Variants in IRAG1 observed in about 807,000 individuals in gnomAD.
IRAG1 encodes IP3R-associated cGMP kinase substrate.
Under a neutral mutation model 106.2 loss-of-function variants are expected in IRAG1, and 62 were observed. That is an observed-to-expected ratio of 0.58 (90% confidence interval 0.48 to 0.72). The LOEUF (loss-of-function observed/expected upper bound fraction) is 0.72, where lower values mean the gene tolerates loss of function less well. IRAG1 is among the 30% of genes least tolerant of loss of function. The pLI is 0.00. For missense variants in IRAG1, 1,064 were observed against 1,140.7 expected, an observed-to-expected ratio of 0.93 and a Z score of 0.97; for synonymous variants, 462 against 443.9, an observed-to-expected ratio of 1.04 and a Z score of -0.51.
intron 14 of IRAG1, among the ~76,000 whole-genome samples, chr11:10,602,622 T>G (rs1456485235): frequency 6.6e-6 from 1 of 151,768 alleles, no homozygotes; most frequent in Non-Finnish European, 1.5e-5. Flanking sequence ...CATCTTCATC[T>G]GGGAGACAGG....
rs1017910510 is a variant in IRAG1, at chr11:10,626,382, G to C, written c.952C>G (p.Leu318Val). The C allele has an allele frequency of 1.2e-6, 2 of 1,613,758 alleles. No individual in the cohort carries two copies. The highest frequency in any genetic ancestry group is 2.7e-5 in the African/African-American group (2 of 74,930). ...PVTNSSGKMA[L>V]NSPQPGPVES... is the part of the protein sequence containing the mutation. The stretch of plus-strand genomic sequence containing the variant: ...ACGGGGCCAGGCTGAGGGCTGTTCA[G>C]GGCCATTTTCCCACTGCTGTTTGTA... Residue 318 changes from leucine (L) to valine (V), a missense_variant, in exon 9 of 21, where the codon CTG (leucine) becomes GTG (valine). Physicochemically the swap from Leu to Val is conservative, Grantham distance 32. Transcript: ENST00000423302.
intron 2 of IRAG1, among the ~76,000 whole-genome samples, chr11:10,635,432 G>T (rs1448416230): frequency 6.6e-6 from 1 of 152,188 alleles, no homozygotes. Flanking sequence ...GGTGCCCACT[G>T]TCTCTATTGC....
rs1853913514 is a variant in IRAG1, at chr11:10,600,819, A to T, written c.2017+99T>A. On this transcript the variant is annotated intron_variant, in intron 15 of 20. Coordinates refer to ENST00000423302, the MANE Select transcript of IRAG1 (RefSeq NM_130385.4). ...TAGACAGGAGTGCTGCTCAACTGGA[A>T]ATAAGTCCTGGGGCTGTTCTGACAG... 13 of 1,485,526 alleles carry T rather than the reference A, an allele frequency of 8.8e-6. 1 individual carries two copies. The South Asian group carries it at 1.7e-4, about 19-fold the overall frequency. The allele number at this position is 1,485,526 out of a possible 1,614,324, so 92.0% of individuals were successfully genotyped here. A position where few individuals can be genotyped will look rare whatever the true frequency, so the allele number is the denominator to read the frequency against.
At chr11:10,648,299 G>A (rs1321926149) in intron 2 of IRAG1, among the ~76,000 whole-genome samples, 1 of 152,214 alleles carries the variant, frequency 6.6e-6, no homozygotes, top group Admixed American at 6.5e-5. Flanking sequence ...GGGAGACAGA[G>A]GTTGCAGTGA....
intron 2 of IRAG1, among the ~76,000 whole-genome samples, chr11:10,643,032 G>A (rs573452275): frequency 5.3e-4 from 81 of 152,126 alleles, no homozygotes; most frequent in African/African-American, 1.6e-3. Context: ...AAAATTAGCC[G>A]GGCATGGTGG....
chr11:10,648,419 A>G (rs1046310038), intron 2 of IRAG1, among the ~76,000 whole-genome samples: 15 of 152,184 alleles, frequency 9.9e-5, no homozygotes, highest in Admixed American at 9.8e-4. Context: ...AGAGATTCCA[A>G]TTCAGTAGGT....
chr11:10,651,138 A>G (rs1858461474), intron 2 of IRAG1, among the ~76,000 whole-genome samples: 1 of 152,256 alleles, frequency 6.6e-6, no homozygotes, highest in South Asian at 2.1e-4. Flanking sequence ...GAAGTCAAAG[A>G]AAACAGTGAT....
intron 10 of IRAG1, among the ~76,000 whole-genome samples, chr11:10,618,693 T>C (rs1392148886): frequency 6.6e-6 from 1 of 152,170 alleles, no homozygotes; most frequent in Admixed American, 6.5e-5. Flanking sequence ...GAACATTCCA[T>C]GCAGAAGACA....
Position 10,665,743 on chromosome 11 carries a change from G to C in IRAG1, c.68-13561C>G, listed in dbSNP as rs1414531847. On this transcript the variant is annotated intron_variant, in intron 1 of 20. Transcript: ENST00000423302. The surrounding 1 kb of genome is among the most constrained non-coding windows in gnomAD (Gnocchi z 4.2). ...ACCTTGCCGACTGAGGCCAGCAGCA[G>C]GGTGGGAGCAGCTGTGGATCTTGGC... Among the ~76,000 whole-genome samples the C allele has an allele frequency of 6.6e-6, 1 of 152,216 alleles. No homozygotes were observed. Among genetic ancestry groups the C allele is most frequent in the African/African-American group, 2.4e-5 (1 of 41,444 alleles).
rs1300503910 is a variant in IRAG1 at position 10,657,844 on chromosome 11, A to G, written c.68-5662T>C. Among the ~76,000 whole-genome samples the G allele has an allele frequency of 6.6e-6, 1 of 152,000 alleles. No homozygotes were observed. The highest frequency in any genetic ancestry group is 2.4e-5 in the African/African-American group (1 of 41,374). ...CAGTCTTACCCCTGCACCCATTTTT[A>G]CCAATGGGGAACCGAGGCCCAGAGG... On this transcript the variant is annotated intron_variant, in intron 1 of 20. Coordinates refer to ENST00000423302, the MANE Select transcript of IRAG1 (RefSeq NM_130385.4). The surrounding 1 kb of genome is among the most constrained non-coding windows in gnomAD (Gnocchi z 4.1).
At chr11:10,618,109 G>A (rs888090887) in intron 10 of IRAG1, among the ~76,000 whole-genome samples, 4 of 152,282 alleles carry the variant, frequency 2.6e-5, no homozygotes, top group African/African-American at 7.2e-5. Flanking sequence ...TCTCTGGGAC[G>A]TGTAGCTCAC....
intron 10 of IRAG1, among the ~76,000 whole-genome samples, chr11:10,610,400 T>C (rs1411417271): frequency 1.3e-5 from 2 of 152,258 alleles, no homozygotes; most frequent in African/African-American, 2.4e-5. Context: ...AAATGCCTCC[T>C]AGTCAACAGA....
chr11:10,678,108 T>C (rs965306960), intron 1 of IRAG1, among the ~76,000 whole-genome samples: 20 of 152,238 alleles, frequency 1.3e-4, no homozygotes, highest in African/African-American at 4.8e-4. Context: ...TTTCCTCCTT[T>C]TGGCTATTGT....
chr11:10,645,159 A>T (rs1395323496), intron 2 of IRAG1, among the ~76,000 whole-genome samples: 8 of 152,180 alleles, frequency 5.3e-5, no homozygotes, highest in Non-Finnish European at 1.0e-4. Flanking sequence ...ATAAACATTG[A>T]CTGAGTAAAT....
chr11:10,626,455 G>A lies in IRAG1; in HGVS notation c.879C>T (p.Phe293=), dbSNP rs1336942116. The A allele has an allele frequency of 4.3e-6, 7 of 1,613,680 alleles. No homozygotes were observed. The highest frequency in any genetic ancestry group is 5.1e-6 in the Non-Finnish European group (6 of 1,179,766). Residue 293 remains phenylalanine, a synonymous_variant, in exon 9 of 21, where the codon TTC becomes TTT. Transcript: ENST00000423302. Reference sequence around the variant, plus strand: ...TGGTCTCGGGGTACTGGAGGGGATCGAAGTTTTCCTTTTGTTCTATTGCAA... The same window carrying A: ...TGGTCTCGGGGTACTGGAGGGGATCAAAGTTTTCCTTTTGTTCTATTGCAA... The part of the protein sequence containing the change: ...KEIAIEQKEN[F]DPLQYPETTP...
chr11:10,584,115 A>C (rs1851676526), intron 18 of IRAG1, among the ~76,000 whole-genome samples: 1 of 152,146 alleles, frequency 6.6e-6, no homozygotes, highest in Non-Finnish European at 1.5e-5. Context: ...GCCCACCTTC[A>C]TGTCCTGATT....
intron 1 of IRAG1, among the ~76,000 whole-genome samples, chr11:10,678,477 G>A (rs574061514): frequency 6.6e-6 from 1 of 152,256 alleles, no homozygotes; most frequent in East Asian, 1.9e-4. Flanking sequence ...CTGTAAGGAG[G>A]AAACGATTAC....
rs1859053543 is a variant in IRAG1, at chr11:10,657,973, CTT to C, written c.68-5793_68-5792del. On this transcript the variant is annotated intron_variant, in intron 1 of 20. Transcript: ENST00000423302. The surrounding 1 kb of genome is among the most constrained non-coding windows in gnomAD (Gnocchi z 4.1). ...CCGGCTGCATGTGGCAGCTTTCTGA[CTT>C]TTCATTTTGACGGTTTTGCTCATAG... is the stretch of plus-strand genomic sequence containing the variant. 6.6e-6 allele frequency among the ~76,000 whole-genome samples: 1 copy of C among 152,256 alleles called. No individual in the cohort carries two copies. Among genetic ancestry groups the C allele is most frequent in the South Asian group, 2.1e-4 (1 of 4,834 alleles).
rs1591565836 is a variant in IRAG1, at chr11:10,593,535, C to G, written c.2132G>C (p.Gly711Ala). ...VPKFNALNLP[G>A]QTPSSSSIPS... The stretch of plus-strand genomic sequence containing the variant: ...AATGGATGATGAGCTGGGAGTTTGG[C>G]CAGGCAGATTCAGGGCATTAAACTT... The change falls in exon 17 of 21, where the codon GGC becomes GCC. Residue 711 changes from glycine to alanine, a missense_variant. By Grantham distance (60) the Gly-to-Ala change is moderately conservative. Transcript: ENST00000423302. The G allele has an allele frequency of 6.2e-7, 1 of 1,613,744 alleles. No homozygotes were observed. The highest frequency in any genetic ancestry group is 2.2e-5 in the East Asian group (1 of 44,868).
Sources: allele counts gnomAD v4.1 joint callset (sites outside exome capture counted in the v4.1 genomes callset), GRCh38; gene constraint gnomAD v4.1.1; non-coding constraint Gnocchi (gnomAD v3.1); transcripts MANE v1.5; gene names NCBI Gene and HGNC (gene_info 2026-07-23, HGNC 2026-07-21).